Variants in SLC35F3 observed in about 807,000 individuals in gnomAD.
The protein encoded by SLC35F3 is solute carrier family 35 member F3.
SLC35F3 carries 25 observed loss-of-function variants against 49.9 expected under a neutral mutation model. That is an observed-to-expected ratio of 0.50 (90% CI 0.37 to 0.70). The LOEUF is 0.70. Among genes scored for constraint, SLC35F3 ranks in the 30% least tolerant of loss-of-function variants. The pLI is 0.00. For synonymous variants in SLC35F3, 275 were observed against 265.4 expected, an observed-to-expected ratio of 1.04 and a Z score of -0.35; for missense variants, 525 against 639.8, an observed-to-expected ratio of 0.82 and a Z score of 1.94.
intron 2 of SLC35F3, among the ~76,000 whole-genome samples, chr1:234,144,272 T>C (rs1665964686): frequency 6.6e-6 from 1 of 152,184 alleles, no homozygotes; most frequent in Non-Finnish European, 1.5e-5. Flanking sequence ...GCTCTTGGGA[T>C]GTGCAGGGCT....
chr1:234,175,727 G>T (rs1666467429), intron 2 of SLC35F3, among the ~76,000 whole-genome samples: 1 of 151,668 alleles, frequency 6.6e-6, no homozygotes, highest in South Asian at 2.1e-4. Flanking sequence ...GACTGTCTAT[G>T]GTTTCTAGAC....
intron 2 of SLC35F3, among the ~76,000 whole-genome samples, chr1:234,112,346 C>A (rs902288297): frequency 2.0e-5 from 3 of 151,966 alleles, no homozygotes; most frequent in Non-Finnish European, 4.4e-5. Context: ...GGAATGAGAA[C>A]CTGTCACAAA....
intron 5 of SLC35F3, among the ~76,000 whole-genome samples, chr1:234,317,332 T>C (rs1238802426): frequency 6.6e-6 from 1 of 152,018 alleles, no homozygotes; most frequent in African/African-American, 2.4e-5. Context: ...CACACTCAGG[T>C]CCCTTTCTCT....
intron 3 of SLC35F3, among the ~76,000 whole-genome samples, chr1:234,281,548 A>G (rs1473692913): frequency 6.6e-6 from 1 of 152,222 alleles, no homozygotes; most frequent in African/African-American, 2.4e-5. Flanking sequence ...TGATGTAAGA[A>G]GATGTTAAAA....
chr1:234,016,973 C>T (rs916084534), intron 2 of SLC35F3, among the ~76,000 whole-genome samples: 2 of 152,224 alleles, frequency 1.3e-5, no homozygotes, highest in African/African-American at 4.8e-5. Context: ...CAAACAGTTA[C>T]TGGCTCTGTT....
At chr1:234,164,033 C>T (rs1453556167) in intron 2 of SLC35F3, among the ~76,000 whole-genome samples, 1 of 151,930 alleles carries the variant, frequency 6.6e-6, no homozygotes, top group African/African-American at 2.4e-5. Flanking sequence ...TAGAATGTAG[C>T]AGAGACTGTA....
At chr1:234,182,281 TGAGA>T (rs575310336) in intron 2 of SLC35F3, among the ~76,000 whole-genome samples, 3 of 152,338 alleles carry the variant, frequency 2.0e-5, no homozygotes, top group South Asian at 4.1e-4. Context: ...CCTGACTCTT[TGAGA>T]GCTAGATTGA....
chr1:234,296,518 G>A (rs1212817491), intron 3 of SLC35F3, among the ~76,000 whole-genome samples: 1 of 152,214 alleles, frequency 6.6e-6, no homozygotes, highest in African/African-American at 2.4e-5. Context: ...TAGCCAGACT[G>A]CTTCACTTGC....
chr1:234,165,624 C>T (rs1480501602), intron 2 of SLC35F3, among the ~76,000 whole-genome samples: 1 of 152,134 alleles, frequency 6.6e-6, no homozygotes, highest in African/African-American at 2.4e-5. Context: ...GGGCTCAAGC[C>T]ATCCTCCCAC....
At chr1:234,245,644 G>A (rs1034660033) in intron 3 of SLC35F3, among the ~76,000 whole-genome samples, 4 of 152,200 alleles carry the variant, frequency 2.6e-5, no homozygotes, top group Admixed American at 6.5e-5. Flanking sequence ...TAGAGCGTGT[G>A]CTGGAGGGGG....
chr1:233,979,047 A>C (rs939924833), intron 2 of SLC35F3, among the ~76,000 whole-genome samples: 6 of 152,062 alleles, frequency 3.9e-5, no homozygotes, highest in African/African-American at 1.4e-4. Flanking sequence ...AATTAAAAAA[A>C]AAAAAACAAA....
In SLC35F3 at chr1:234,282,443, A is replaced by G. The variant is rs181086003; in HGVS notation, c.609-26658A>G. On this transcript the variant is annotated intron_variant, in intron 3 of 7. Transcript: ENST00000366618. ...GACCTCAGAAGACAGCCCCACTCAC[A>G]GTCCAGAGCAGGGCCTTCCCTTGCT... is the stretch of plus-strand genomic sequence containing the variant. Among the ~76,000 whole-genome samples the G allele has an allele frequency of 1.4e-3, 212 of 152,322 alleles. 1 individual carries two copies. The highest frequency in any genetic ancestry group is 4.8e-3 in the African/African-American group (200 of 41,568).
intron 2 of SLC35F3, among the ~76,000 whole-genome samples, chr1:234,101,991 A>T (rs56304517): frequency 0.019 from 2,953 of 152,306 alleles, 93 homozygotes; most frequent in African/African-American, 0.065. Flanking sequence ...TAGAGAGAAC[A>T]ATGTTCCTGA....
intron 2 of SLC35F3, among the ~76,000 whole-genome samples, chr1:234,158,008 TC>T (rs1350920205): frequency 6.6e-6 from 1 of 152,124 alleles, no homozygotes; most frequent in Non-Finnish European, 1.5e-5. Flanking sequence ...CATTTATGAG[TC>T]GATTCAGCCA....
chr1:234,289,321 C>G, intron 3 of SLC35F3, among the ~76,000 whole-genome samples: 1 of 152,150 alleles, frequency 6.6e-6, no homozygotes, highest in East Asian at 1.9e-4. Flanking sequence ...ACATACTGTT[C>G]TTGAAAATAA....
chr1:233,995,505 C>T (rs77841210), intron 2 of SLC35F3, among the ~76,000 whole-genome samples: 2,584 of 152,272 alleles, frequency 0.017, 92 homozygotes, highest in East Asian at 0.16. Flanking sequence ...CCTGATCCCT[C>T]CACTTGTGTT....
chr1:233,932,218 C>T (rs1040220926), intron 2 of SLC35F3, among the ~76,000 whole-genome samples: 15 of 152,056 alleles, frequency 9.9e-5, no homozygotes, highest in African/African-American at 3.4e-4. Context: ...ATGAGTGCAG[C>T]AAACCACCAT....
chr1:234,236,925 T>TATATATATA (rs1491285612), intron 3 of SLC35F3, among the ~76,000 whole-genome samples: 9 of 96,288 alleles, frequency 9.3e-5, no homozygotes, highest in African/African-American at 3.2e-4. Flanking sequence ...AAAAAAAAAA[T>TATATATATA]TATATATATA....
intron 4 of SLC35F3, among the ~76,000 whole-genome samples, chr1:234,312,546 G>C (rs953889162): frequency 6.6e-6 from 1 of 152,188 alleles, no homozygotes; most frequent in Non-Finnish European, 1.5e-5. Context: ...CCTGAGCCCA[G>C]CATGGGGGAA....
Sources: allele counts gnomAD v4.1 joint callset (sites outside exome capture counted in the v4.1 genomes callset), GRCh38; gene constraint gnomAD v4.1.1; transcripts MANE v1.5; gene names NCBI Gene and HGNC (gene_info 2026-07-23, HGNC 2026-07-21).